CACNA1C: variants seen among roughly 807,000 people sequenced by gnomAD.
CACNA1C encodes voltage-dependent L-type calcium channel subunit alpha-1C.
In CACNA1C, 30 loss-of-function variants were observed where a neutral mutation model predicts 229.0. That is an observed-to-expected ratio of 0.13 (90% CI 0.10 to 0.18). The LOEUF is 0.18. Among genes scored for constraint, CACNA1C ranks in the 10% least tolerant of loss-of-function variants. CACNA1C has a pLI of 1.00. For missense variants in CACNA1C, 1,658 were observed against 2,845.0 expected, an observed-to-expected ratio of 0.58 and a Z score of 9.49; for synonymous variants, 1,114 against 1,132.5, an observed-to-expected ratio of 0.98 and a Z score of 0.33.
chr12:2,311,322 T>C (rs1020009852), intron 3 of CACNA1C, among the ~76,000 whole-genome samples: 2 of 152,218 alleles, frequency 1.3e-5, no homozygotes, highest in Admixed American at 6.5e-5. Flanking sequence ...ATTTGGAATG[T>C]AAACATTGCA....
intron 3 of CACNA1C, among the ~76,000 whole-genome samples, chr12:2,314,916 G>A (rs779691837): frequency 2.6e-5 from 4 of 152,180 alleles, no homozygotes; most frequent in Non-Finnish European, 5.9e-5. Context: ...TTTTGCAACT[G>A]AGAAGTTTTT....
intron 1 of CACNA1C, among the ~76,000 whole-genome samples, chr12:2,028,386 C>T (rs2047679584): frequency 6.6e-6 from 1 of 152,192 alleles, no homozygotes; most frequent in Non-Finnish European, 1.5e-5. Context: ...TCTAGTCCAA[C>T]TTCTCATTTT....
intron 3 of CACNA1C, among the ~76,000 whole-genome samples, chr12:2,211,753 T>C (rs1338803154): frequency 6.7e-6 from 1 of 150,018 alleles, no homozygotes; most frequent in Non-Finnish European, 1.5e-5. Context: ...AGTCTTGCTC[T>C]TTTCTCCCAG....
chr12:2,633,981 G>A lies in CACNA1C; in HGVS notation c.3829-316G>A, dbSNP rs935161073. Among the ~76,000 whole-genome samples the A allele has an allele frequency of 1.1e-4, 17 of 152,136 alleles. No individual in the cohort carries two copies. The highest frequency in any genetic ancestry group is 4.1e-4 in the African/African-American group (17 of 41,434). ...GTGGAGCTGAGCAGAGGGAGTGGCG[G>A]TGCAGGGGACACACCGCCCGGCTCC... is the stretch of plus-strand genomic sequence containing the variant. On this transcript the variant is annotated intron_variant, in intron 29 of 46. Transcript: ENST00000399655. The surrounding 1 kb of genome is among the most constrained non-coding windows in gnomAD (Gnocchi z 5.8).
chr12:2,058,753 C>T (rs559670419), intron 1 of CACNA1C, among the ~76,000 whole-genome samples: 94 of 152,298 alleles, frequency 6.2e-4, no homozygotes, highest in African/African-American at 2.1e-3. Flanking sequence ...GAATGTTTTT[C>T]GGTGTCATTT....
rs920389166 is a variant in CACNA1C at position 2,029,113 on chromosome 12, T to G, written c.139+57912T>G. Among the ~76,000 whole-genome samples, 2 of 152,138 alleles carry G rather than the reference T, an allele frequency of 1.3e-5. No individual in the cohort carries two copies. Among genetic ancestry groups the G allele is most frequent in the Non-Finnish European group, 2.9e-5 (2 of 68,038 alleles). On this transcript the variant is annotated intron_variant, in intron 1 of 46. Coordinates refer to the CACNA1C transcript ENST00000682462. The surrounding 1 kb of genome is among the most constrained non-coding windows in gnomAD (Gnocchi z 4.9). ...TACCTGAGTGAGAACTGAGGCCCCA[T>G]GAGTGGAAATGACTTGCTCAGTAAT... is the stretch of plus-strand genomic sequence containing the variant.
At chr12:2,260,997 G>A (rs918390711) in intron 3 of CACNA1C, among the ~76,000 whole-genome samples, 3 of 152,126 alleles carry the variant, frequency 2.0e-5, no homozygotes, top group African/African-American at 7.2e-5. Context: ...TTGAGAGGCC[G>A]AGGCTGGCAG....
intron 3 of CACNA1C, among the ~76,000 whole-genome samples, chr12:2,151,956 G>T (rs954179494): frequency 6.6e-6 from 1 of 152,260 alleles, no homozygotes; most frequent in Admixed American, 6.5e-5. Context: ...AAGCGAGGGT[G>T]TGGCAGCCGG....
chr12:2,583,587 C>A (rs1196825707), intron 15 of CACNA1C, among the ~76,000 whole-genome samples: 1 of 152,202 alleles, frequency 6.6e-6, no homozygotes, highest in African/African-American at 2.4e-5. Flanking sequence ...CAAGTCCCAG[C>A]TAAGGCAGTG....
Position 2,053,502 on chromosome 12 carries a change from G to T in CACNA1C, c.-61G>T, listed in dbSNP as rs1303609038. ...GAGGGATTAATCCAGACCCGCCGGG[G>T]GGTGTTTTCACATTTCTTCCTCTTC... On this transcript the variant is annotated 5_prime_UTR_variant, in exon 1 of 47. Transcript: ENST00000399655. The surrounding 1 kb of genome is among the most constrained non-coding windows in gnomAD (Gnocchi z 5.8). The T allele has an allele frequency of 6.5e-7, 1 of 1,543,138 alleles. No individual in the cohort carries two copies. The highest frequency in any genetic ancestry group is 1.4e-5 in the African/African-American group (1 of 72,730).
intron 38 of CACNA1C, among the ~76,000 whole-genome samples, chr12:2,672,782 A>G (rs1317536712): frequency 6.6e-6 from 1 of 152,232 alleles, no homozygotes; most frequent in East Asian, 1.9e-4. Flanking sequence ...CTAGGCAGAC[A>G]TGAATTTTGG....
chr12:2,211,714 CTT>C lies in CACNA1C; in HGVS notation c.477+91304_477+91305del, dbSNP rs5795996. Among the ~76,000 whole-genome samples, 960 of 115,460 alleles carry C rather than the reference CTT, an allele frequency of 8.3e-3. 7 individuals are homozygous for C. The highest frequency in any genetic ancestry group is 0.031 in the African/African-American group (829 of 26,406). 75.7% of individuals were successfully genotyped at this position (115,460 alleles called of 152,430 possible). On this transcript the variant is annotated intron_variant, in intron 3 of 46. Coordinates refer to ENST00000399655, the MANE Select transcript of CACNA1C (RefSeq NM_000719.7). ...CTTTCACCTGTTACTCTTTCTGCTG[CTT>C]TTTTTTTTTTTTTTTTTTTGAGACA...
chr12:2,470,329 G>T (rs1006266670), intron 5 of CACNA1C, among the ~76,000 whole-genome samples: 1 of 152,128 alleles, frequency 6.6e-6, no homozygotes, highest in Admixed American at 6.5e-5. Flanking sequence ...CACAGACAAG[G>T]TGATGACTGA....
rs762153626 is a variant in CACNA1C, at chr12:2,354,450, A to G, written c.478-94526A>G. Among the ~76,000 whole-genome samples the G allele has an allele frequency of 1.1e-4, 16 of 152,324 alleles. No individual in the cohort carries two copies. The highest frequency in any genetic ancestry group is 2.1e-4 in the South Asian group (1 of 4,828). ...GGCTGCAGCTATGACTGCAGCCTGTAGGGAAACGCCGGGAGGAACAGGAGA... is the reference window on the plus strand; with the variant it reads ...GGCTGCAGCTATGACTGCAGCCTGTGGGGAAACGCCGGGAGGAACAGGAGA... On this transcript the variant is annotated intron_variant, in intron 3 of 46. Transcript: ENST00000399655. The surrounding 1 kb of genome is among the most constrained non-coding windows in gnomAD (Gnocchi z 4.6).
At chr12:2,498,263 G>T (rs1318241965) in intron 7 of CACNA1C, among the ~76,000 whole-genome samples, 1 of 152,036 alleles carries the variant, frequency 6.6e-6, no homozygotes, top group Non-Finnish European at 1.5e-5. Flanking sequence ...CAGTGTCCAG[G>T]GCCCTTTCTC....
intron 13 of CACNA1C, among the ~76,000 whole-genome samples, chr12:2,572,461 C>T (rs2055746524): frequency 1.7e-5 from 1 of 59,926 alleles, no homozygotes; most frequent in Non-Finnish European, 3.4e-5. Context: ...CTTCCTCCTC[C>T]TCCTCTTCCT....
At chr12:2,396,309 G>A (rs899304602) in intron 3 of CACNA1C, among the ~76,000 whole-genome samples, 3 of 152,146 alleles carry the variant, frequency 2.0e-5, no homozygotes, top group South Asian at 2.1e-4. Context: ...AAATATTTTT[G>A]CAGCCTGATT....
Position 2,593,235 on chromosome 12 carries a change from A to G in CACNA1C, c.2553A>G (p.Pro851=), listed in dbSNP as rs775270597. Residue 851 remains proline, a synonymous_variant, in exon 19 of 47, where the codon CCA becomes CCG. Transcript: ENST00000399655. ...CAGGAGAAGAGGATGAGGAGGAGCC[A>G]GAGATGCCTGTCGGCCCTCGCCCAC... ...ETTGEEDEEE[P]EMPVGPRPRP... is the part of the protein sequence containing the mutation. 1 of 1,613,788 alleles carries G rather than the reference A, an allele frequency of 6.2e-7. No homozygotes were observed. Among genetic ancestry groups the G allele is most frequent in the Admixed American group, 1.7e-5 (1 of 60,010 alleles).
chr12:2,065,548 T>G (rs1388110973), intron 1 of CACNA1C, among the ~76,000 whole-genome samples: 1 of 152,210 alleles, frequency 6.6e-6, no homozygotes, highest in Admixed American at 6.5e-5. Context: ...TCCCTTCCTT[T>G]AAGGGAAGTA....
Sources: allele counts gnomAD v4.1 joint callset (sites outside exome capture counted in the v4.1 genomes callset), GRCh38; gene constraint gnomAD v4.1.1; non-coding constraint Gnocchi (gnomAD v3.1); transcripts MANE v1.5; gene names NCBI Gene and HGNC (gene_info 2026-07-23, HGNC 2026-07-21).